Variants in RNF2 observed in about 807,000 individuals in gnomAD.
RNF2 encodes E3 ubiquitin-protein ligase RING2.
In RNF2, 6 loss-of-function variants were observed where a neutral mutation model predicts 37.2. That is an observed-to-expected ratio of 0.16 (90% CI 0.09 to 0.32). The LOEUF is 0.32. RNF2 is among the 10% of genes least tolerant of loss of function. The pLI is 1.00. For missense variants in RNF2, 251 were observed against 404.0 expected (o/e 0.62, Z 3.25); for synonymous variants, 133 against 132.7 (o/e 1.00, Z -0.02).
intron 1 of RNF2, among the ~76,000 whole-genome samples, chr1:185,076,958 A>G (rs1031629023): frequency 6.6e-6 from 1 of 152,150 alleles, no homozygotes; most frequent in East Asian, 1.9e-4. Context: ...ACATATGTGT[A>G]CATTAATTCA....
chr1:185,088,601 T>TA (rs1337749074), intron 2 of RNF2, among the ~76,000 whole-genome samples: 2 of 151,844 alleles, frequency 1.3e-5, no homozygotes, highest in African/African-American at 4.8e-5. Flanking sequence ...AGGATGTAGT[T>TA]AAAGTGTTTA....
At chr1:185,075,966 A>G (rs1002077670) in intron 1 of RNF2, among the ~76,000 whole-genome samples, 18 of 152,108 alleles carry the variant, frequency 1.2e-4, no homozygotes, top group African/African-American at 4.3e-4. Context: ...AGTTTAGCAC[A>G]GTTTAATTTT....
intron 1 of RNF2, among the ~76,000 whole-genome samples, chr1:185,065,345 A>AG (rs765097591): frequency 5.3e-5 from 8 of 152,330 alleles, no homozygotes; most frequent in Non-Finnish European, 7.3e-5. Context: ...GGGCCAAATA[A>AG]GGGAATAAAA....
intron 1 of RNF2, among the ~76,000 whole-genome samples, chr1:185,084,881 A>C (rs1053962710): frequency 6.6e-6 from 1 of 152,168 alleles, no homozygotes; most frequent in Non-Finnish European, 1.5e-5. Flanking sequence ...ATGACTGAAT[A>C]ATCAAACTCT....
chr1:185,054,752 C>CA, intron 1 of RNF2, among the ~76,000 whole-genome samples: 1 of 152,178 alleles, frequency 6.6e-6, no homozygotes, highest in Non-Finnish European at 1.5e-5. Flanking sequence ...GGTTGGAGTG[C>CA]AGTGGCGCGA....
In RNF2 at chr1:185,101,374, C is replaced by T. The variant is rs1234145062; in HGVS notation, c.*1073C>T. On this transcript the variant is annotated 3_prime_UTR_variant, in exon 7 of 7. Transcript: ENST00000367510. ...TACACTCTGTAGAAGGTTAATAGAG[C>T]TTGAGCCCTGCTTTAATATGTAGTG... 1 of 152,466 alleles carries T rather than the reference C, an allele frequency of 6.6e-6. No homozygotes were observed. Among genetic ancestry groups the T allele is most frequent in the Non-Finnish European group, 1.5e-5 (1 of 67,964 alleles). The allele number at this position is 152,466 out of a possible 1,614,324, so 9.4% of individuals were successfully genotyped here.
chr1:185,098,218 G>C lies in RNF2; in HGVS notation c.611G>C (p.Gly204Ala). 1 of 1,614,138 alleles carries C rather than the reference G, an allele frequency of 6.2e-7. No individual in the cohort carries two copies. Among genetic ancestry groups the C allele is most frequent in the Non-Finnish European group, 8.5e-7 (1 of 1,180,034 alleles). The change falls in exon 5 of 7, where the codon GGG becomes GCG. Residue 204 changes from glycine to alanine, a missense_variant. Transcript: ENST00000367510. The stretch of plus-strand genomic sequence containing the variant: ...CGGACCAAAACATCTGATGATTCTG[G>C]GCTAGAGCTTGATAATAACAATGCA... ...NKRTKTSDDS[G>A]LELDNNNAAM...
At chr1:185,078,005 G>A (rs1651228794) in intron 1 of RNF2, among the ~76,000 whole-genome samples, 1 of 152,222 alleles carries the variant, frequency 6.6e-6, no homozygotes, top group South Asian at 2.1e-4. Flanking sequence ...CAGCACTTTG[G>A]GAGGCCAAGG....
rs959600069 is a variant in RNF2 at position 185,085,431 on chromosome 1, C to T, written c.-2-2121C>T. Among the ~76,000 whole-genome samples, 176 of 151,732 alleles carry T rather than the reference C, an allele frequency of 1.2e-3. 1 individual carries two copies. Among genetic ancestry groups the T allele is most frequent in the Non-Finnish European group, 5.6e-4 (38 of 67,888 alleles). ...GATTACAAGCGTGAGCCACCGCGCC[C>T]GGCCTGACCCTTCTTTCTTATACCA... On this transcript the variant is annotated intron_variant, in intron 1 of 6. Coordinates refer to ENST00000367510, the MANE Select transcript of RNF2 (RefSeq NM_007212.4).
intron 1 of RNF2, among the ~76,000 whole-genome samples, chr1:185,082,344 A>ATTTTTTTTTTT (rs1557969996): frequency 2.1e-5 from 1 of 46,832 alleles, no homozygotes; most frequent in South Asian, 9.0e-4. Flanking sequence ...CCTCTGCAGA[A>ATTTTTTTTTTT]CTTTTTTTTT....
chr1:185,076,461 T>C (rs1430367624), intron 1 of RNF2, among the ~76,000 whole-genome samples: 2 of 151,136 alleles, frequency 1.3e-5, no homozygotes, highest in African/African-American at 2.4e-5. Flanking sequence ...TGGCTAATTT[T>C]TTGTATTTTT....
intron 1 of RNF2, among the ~76,000 whole-genome samples, chr1:185,063,437 T>C (rs1275104832): frequency 1.3e-5 from 2 of 152,210 alleles, no homozygotes; most frequent in East Asian, 3.9e-4. Flanking sequence ...AGAGGAAGAC[T>C]CTTTTCCTGT....
intron 1 of RNF2, among the ~76,000 whole-genome samples, chr1:185,076,288 T>C (rs1571311349): frequency 1.5e-5 from 1 of 68,934 alleles, no homozygotes. Flanking sequence ...TTTTTTTTTT[T>C]TTTTTTTTTT....
At chr1:185,051,753 T>C (rs1650278175) in intron 1 of RNF2, among the ~76,000 whole-genome samples, 1 of 150,748 alleles carries the variant, frequency 6.6e-6, no homozygotes, top group African/African-American at 2.4e-5. Flanking sequence ...TTTTCATCTT[T>C]CAGAATTTTT....
Position 185,055,416 on chromosome 1 carries a change from TTTG to T in RNF2, c.-3+9779_-3+9781del, listed in dbSNP as rs796225336. Among the ~76,000 whole-genome samples the T allele has an allele frequency of 7.9e-5, 12 of 152,190 alleles. No homozygotes were observed. The South Asian group carries it at 8.3e-4, about 11-fold the overall frequency. On this transcript the variant is annotated intron_variant, in intron 1 of 6. Transcript: ENST00000367510. ...AATTACTGTTGTAGGTTTTTGTTTG[TTTG>T]TTGTTGTTGTTTTTAAATTTAAATG...
At chr1:185,087,984 G>A (rs550364190) in intron 2 of RNF2, among the ~76,000 whole-genome samples, 2 of 152,298 alleles carry the variant, frequency 1.3e-5, no homozygotes, top group East Asian at 3.9e-4. Context: ...TACTGATAAG[G>A]CACCAAGGAA....
At chr1:185,053,601 CCTT>C (rs2102152578) in intron 1 of RNF2, among the ~76,000 whole-genome samples, 1 of 152,290 alleles carries the variant, frequency 6.6e-6, no homozygotes, top group South Asian at 2.1e-4. Flanking sequence ...AGTCCTCCCT[CCTT>C]GGCCTCTCAA....
intron 1 of RNF2, among the ~76,000 whole-genome samples, chr1:185,067,959 T>C (rs1650849200): frequency 6.6e-6 from 1 of 151,016 alleles, no homozygotes; most frequent in African/African-American, 2.4e-5. Context: ...TTCACCCGCC[T>C]TGGCCTTCCA....
chr1:185,091,516 T>C (rs1205540939), intron 2 of RNF2, 63 bp from the exon 3 acceptor site: 1 of 1,496,466 alleles, frequency 6.7e-7, no homozygotes, highest in Non-Finnish European at 9.2e-7. Flanking sequence ...TACTTTTATA[T>C]GTTTGAGCTT....
Sources: gnomAD v4.1 joint callset for allele counts (sites outside exome capture counted in the v4.1 genomes callset) on GRCh38, gnomAD v4.1.1 for gene constraint, MANE v1.5 for transcripts, NCBI Gene and HGNC (gene_info 2026-07-23, HGNC 2026-07-21) for gene names.